Variants in NXPH1 observed in about 807,000 individuals in gnomAD.
The protein encoded by NXPH1 is neurexophilin-1.
A neutral mutation model predicts 23.7 loss-of-function variants in NXPH1; 5 were observed. That is an observed-to-expected ratio of 0.21 (90% CI 0.11 to 0.44). NXPH1 has a LOEUF of 0.44. Among genes scored for constraint, NXPH1 ranks in the 20% least tolerant of loss-of-function variants. The pLI is 0.99. For synonymous variants in NXPH1, 144 were observed against 122.2 expected (o/e 1.18, Z -1.18); for missense variants, 324 against 321.6 (o/e 1.01, Z -0.06).
At chr7:8,620,088 C>T (rs1562430249) in intron 2 of NXPH1, among the ~76,000 whole-genome samples, 2 of 152,160 alleles carry the variant, frequency 1.3e-5, no homozygotes, top group African/African-American at 2.4e-5. Flanking sequence ...CCGTTGACCT[C>T]TAGTCACAAG....
At chr7:8,594,115 C>T (rs1006670407) in intron 2 of NXPH1, among the ~76,000 whole-genome samples, 1 of 151,982 alleles carries the variant, frequency 6.6e-6, no homozygotes, top group Non-Finnish European at 1.5e-5. Flanking sequence ...GATTATCTAC[C>T]TTGAAAGGCC....
intron 2 of NXPH1, among the ~76,000 whole-genome samples, chr7:8,478,964 T>C (rs1227504142): frequency 2.0e-5 from 3 of 152,060 alleles, no homozygotes; most frequent in African/African-American, 7.2e-5. Flanking sequence ...TGTTGTTCCC[T>C]TGAGAACTTT....
intron 2 of NXPH1, among the ~76,000 whole-genome samples, chr7:8,620,780 C>A (rs1472243974): frequency 6.6e-6 from 1 of 152,190 alleles, no homozygotes; most frequent in Non-Finnish European, 1.5e-5. Flanking sequence ...CATCTGTATT[C>A]TTTCATAAAT....
chr7:8,495,971 C>G (rs1267928855), intron 2 of NXPH1, among the ~76,000 whole-genome samples: 3 of 151,900 alleles, frequency 2.0e-5, no homozygotes, highest in African/African-American at 7.3e-5. Context: ...TCTAATAGGG[C>G]CTCCTGAAGG....
At chr7:8,562,591 T>A (rs1818465563) in intron 2 of NXPH1, among the ~76,000 whole-genome samples, 1 of 151,682 alleles carries the variant, frequency 6.6e-6, no homozygotes, top group South Asian at 2.1e-4. Context: ...CTTTAATGAC[T>A]AACACATTCC....
intron 2 of NXPH1, among the ~76,000 whole-genome samples, chr7:8,586,427 C>A (rs1818982760): frequency 1.3e-5 from 2 of 151,892 alleles, no homozygotes; most frequent in East Asian, 3.9e-4. Context: ...AAATTGATTG[C>A]TGGTATGCAA....
At chr7:8,670,302 T>A (rs182622355) in intron 2 of NXPH1, among the ~76,000 whole-genome samples, 301 of 152,362 alleles carry the variant, frequency 2.0e-3, no homozygotes, top group Non-Finnish European at 3.4e-3. Flanking sequence ...TTTCTGAAAT[T>A]TACATTTTTA....
chr7:8,592,927 G>A (rs1819131371), intron 2 of NXPH1, among the ~76,000 whole-genome samples: 4 of 151,600 alleles, frequency 2.6e-5, no homozygotes, highest in Admixed American at 2.0e-4. Context: ...TTTGGCCCAG[G>A]GGCTGTAATT....
At chr7:8,630,225 T>C (rs1329664788) in intron 2 of NXPH1, among the ~76,000 whole-genome samples, 1 of 152,134 alleles carries the variant, frequency 6.6e-6, no homozygotes, top group Non-Finnish European at 1.5e-5. Context: ...TGGAAAGTTT[T>C]TCCTACTAAG....
chr7:8,564,172 T>C (rs1818499528), intron 2 of NXPH1, among the ~76,000 whole-genome samples: 2 of 151,926 alleles, frequency 1.3e-5, no homozygotes, highest in South Asian at 4.2e-4. Flanking sequence ...TGCCATCCGC[T>C]TACTCTGATG....
chr7:8,684,648 T>A (rs1232702209), intron 2 of NXPH1, among the ~76,000 whole-genome samples: 1 of 152,174 alleles, frequency 6.6e-6, no homozygotes, highest in Non-Finnish European at 1.5e-5. Context: ...AGGTTTTACT[T>A]TCAATAATAA....
At chr7:8,459,359 T>A (rs967760958) in intron 2 of NXPH1, among the ~76,000 whole-genome samples, 2 of 152,278 alleles carry the variant, frequency 1.3e-5, no homozygotes, top group East Asian at 3.9e-4. Flanking sequence ...ACAAACTGAT[T>A]TATATTCCAT....
chr7:8,702,460 C>T (rs1349556043), intron 2 of NXPH1, among the ~76,000 whole-genome samples: 1 of 152,134 alleles, frequency 6.6e-6, no homozygotes, highest in East Asian at 1.9e-4. Context: ...CTTGGATTCA[C>T]ATTACTGCTT....
chr7:8,692,088 G>A (rs941511106), intron 2 of NXPH1, among the ~76,000 whole-genome samples: 2 of 151,850 alleles, frequency 1.3e-5, no homozygotes, highest in South Asian at 4.2e-4. Flanking sequence ...GGTCAGGGAG[G>A]TTGGAGTGAG....
intron 2 of NXPH1, among the ~76,000 whole-genome samples, chr7:8,701,372 T>C (rs1189889235): frequency 6.6e-6 from 1 of 152,110 alleles, no homozygotes. Flanking sequence ...TCATTGGCCC[T>C]GATTCTTTTT....
In NXPH1 at chr7:8,609,225, T is replaced by G. The variant is rs146667236; in HGVS notation, c.55-141783T>G. ...TAAGCTAGGTAAGTTAGGAAAAGCT[T>G]AGAAGCTCAATACATGTAAGCAAAT... On this transcript the variant is annotated intron_variant, in intron 2 of 2. Transcript: ENST00000405863. Among the ~76,000 whole-genome samples, 467 of 152,316 alleles carry G rather than the reference T, an allele frequency of 3.1e-3. 4 individuals carry two copies. Among genetic ancestry groups the G allele is most frequent in the African/African-American group, 0.011 (453 of 41,576 alleles).
Position 8,595,670 on chromosome 7 carries a change from C to T in NXPH1, c.55-155338C>T, listed in dbSNP as rs187958842. ...AAGTGTATCTGACTTCTACGGAACT[C>T]AAGAGTATACTGACTATATTTTAGT... On this transcript the variant is annotated intron_variant, in intron 2 of 2. Transcript: ENST00000405863. Among the ~76,000 whole-genome samples, 761 of 152,044 alleles carry T rather than the reference C, an allele frequency of 5.0e-3. 6 individuals are homozygous for T. The highest frequency in any genetic ancestry group is 7.4e-3 in the Non-Finnish European group (503 of 67,956).
chr7:8,528,508 G>A (rs10486237), intron 2 of NXPH1, among the ~76,000 whole-genome samples: 12,036 of 152,268 alleles, frequency 0.079, 950 homozygotes, highest in East Asian at 0.19. Flanking sequence ...GAAGTGCAAG[G>A]CATAAACCAT....
At chr7:8,698,341 A>G (rs913488806) in intron 2 of NXPH1, among the ~76,000 whole-genome samples, 4 of 152,220 alleles carry the variant, frequency 2.6e-5, no homozygotes, top group African/African-American at 9.6e-5. Flanking sequence ...ATTATTGCAC[A>G]TATTGAAGAA....
Sources: gnomAD v4.1 joint callset for allele counts (sites outside exome capture counted in the v4.1 genomes callset) on GRCh38, gnomAD v4.1.1 for gene constraint, MANE v1.5 for transcripts, NCBI Gene and HGNC (gene_info 2026-07-23, HGNC 2026-07-21) for gene names.